The following ERBB4 variants were observed in gnomAD, a reference collection of about 807,000 sequenced individuals.
ERBB4 encodes receptor tyrosine-protein kinase erbB-4.
ERBB4 carries 42 observed loss-of-function variants against 158.0 expected under a neutral mutation model. The observed-to-expected ratio is 0.27, with a 90% CI of 0.21 to 0.34. ERBB4 has a LOEUF of 0.34. ERBB4 is among the 10% of genes least tolerant of loss of function. The pLI is 1.00. For missense variants in ERBB4, 1,333 were observed against 1,624.1 expected (o/e 0.82, Z 3.08); for synonymous variants, 583 against 558.7 (o/e 1.04, Z -0.61).
Position 212,354,161 on chromosome 2 carries a change from A to G in ERBB4, c.82+184288T>C, listed in dbSNP as rs181909213. ...AGATATTTGTAATTAGTCTTTTTTC[A>G]CATGCACTTGATTAATCAAAATTAT... On this transcript the variant is annotated intron_variant, in intron 1 of 27. Coordinates refer to ENST00000342788, the MANE Select transcript of ERBB4 (RefSeq NM_005235.3). 2.0e-3 allele frequency among the ~76,000 whole-genome samples: 303 copies of G among 152,136 alleles called. 2 individuals are homozygous for G. The highest frequency in any genetic ancestry group is 7.8e-4 in the Non-Finnish European group (53 of 67,982).
At position 211,377,652 on chromosome 2, in the gene ERBB4, A is replaced by G; in HGVS notation, c.*5963T>C. On this transcript the variant is annotated 3_prime_UTR_variant, in exon 28 of 28. Coordinates refer to ENST00000342788, the MANE Select transcript of ERBB4 (RefSeq NM_005235.3). ...CTCCTCATTTGGGAGAAAAAAATTT[A>G]CAGCAGCTACAAAATATTTACGATT... is the stretch of plus-strand genomic sequence containing the variant. 4.3e-6 allele frequency: 1 copy of G among 232,552 alleles called. No individual in the cohort carries two copies. The allele number at this position is 232,552 out of a possible 1,614,324, so 14.4% of individuals were successfully genotyped here. A position where few individuals can be genotyped will look rare whatever the true frequency, so the allele number is the denominator to read the frequency against.
intron 2 of ERBB4, among the ~76,000 whole-genome samples, chr2:212,006,501 C>G (rs2076263021): frequency 6.6e-6 from 1 of 151,854 alleles, no homozygotes; most frequent in South Asian, 2.1e-4. Flanking sequence ...TATAATATAC[C>G]TAGGGAAAAT....
At chr2:211,650,600 C>T (rs2070945537) in intron 16 of ERBB4, among the ~76,000 whole-genome samples, 1 of 152,022 alleles carries the variant, frequency 6.6e-6, no homozygotes, top group Admixed American at 6.6e-5. Flanking sequence ...CAATATCATT[C>T]CCTCTACTAT....
chr2:212,454,028 C>T lies in ERBB4; in HGVS notation c.82+84421G>A, dbSNP rs563001214. 2.0e-5 allele frequency among the ~76,000 whole-genome samples: 3 copies of T among 152,132 alleles called. No homozygotes were observed. In the South Asian group the frequency reaches 6.2e-4, roughly 32 times the overall value. ...CGATCTCAGCTCACTGCAACCTTCA[C>T]CTCCCAGGTTCAAGCGATTCTCCTG... On this transcript the variant is annotated intron_variant, in intron 1 of 27. Coordinates refer to ENST00000342788, the MANE Select transcript of ERBB4 (RefSeq NM_005235.3).
At chr2:211,585,891 A>AC (rs1412376590) in intron 19 of ERBB4, among the ~76,000 whole-genome samples, 1 of 152,188 alleles carries the variant, frequency 6.6e-6, no homozygotes, top group Non-Finnish European at 1.5e-5. Context: ...CATGAAAAGT[A>AC]ATCTTTGAAG....
chr2:211,774,610 G>T (rs1303910586), intron 4 of ERBB4, among the ~76,000 whole-genome samples: 2 of 152,122 alleles, frequency 1.3e-5, no homozygotes, highest in Admixed American at 6.5e-5. Flanking sequence ...GAACGGTTAG[G>T]ATATCGCGGC....
intron 1 of ERBB4, among the ~76,000 whole-genome samples, chr2:212,272,746 C>G (rs73986918): frequency 0.028 from 4,287 of 151,624 alleles, 197 homozygotes; most frequent in African/African-American, 0.099. Flanking sequence ...ATACTTTTTT[C>G]TTTGCGTAGA....
intron 3 of ERBB4, among the ~76,000 whole-genome samples, chr2:211,812,844 C>T (rs896741359): frequency 6.6e-6 from 1 of 152,238 alleles, no homozygotes; most frequent in Non-Finnish European, 1.5e-5. Flanking sequence ...ATGGGACCCA[C>T]TGATCCAGAC....
intron 5 of ERBB4, among the ~76,000 whole-genome samples, chr2:211,740,229 G>C (rs1288876460): frequency 9.2e-5 from 14 of 152,058 alleles, no homozygotes; most frequent in Admixed American, 8.5e-4. Context: ...AAATATTTTA[G>C]ATAGACCAAA....
At chr2:212,394,014 T>C (rs1016858696) in intron 1 of ERBB4, among the ~76,000 whole-genome samples, 6 of 152,166 alleles carry the variant, frequency 3.9e-5, no homozygotes, top group Admixed American at 6.6e-5. Flanking sequence ...TGAATGACTA[T>C]GTGGTATAGA....
At chr2:212,515,040 A>G (rs1691744551) in intron 1 of ERBB4, among the ~76,000 whole-genome samples, 1 of 152,214 alleles carries the variant, frequency 6.6e-6, no homozygotes, top group Admixed American at 6.5e-5. Context: ...ACTGATTTAT[A>G]TAATAGGAAA....
intron 20 of ERBB4, among the ~76,000 whole-genome samples, chr2:211,552,203 G>A (rs901261250): frequency 2.0e-5 from 3 of 151,620 alleles, no homozygotes; most frequent in Non-Finnish European, 4.4e-5. Context: ...TGGTGATAAC[G>A]TAGAGTTGGA....
rs181029773 is a variant in ERBB4 at position 211,733,565 on chromosome 2, T to C, written c.623-8371A>G. On this transcript the variant is annotated intron_variant, in intron 5 of 27. Coordinates refer to ENST00000342788, the MANE Select transcript of ERBB4 (RefSeq NM_005235.3). ...GTAAAAAAAAGTCATAATTATATCA[T>C]AGATCTTTCATAAACCAAGAAATAT... Among the ~76,000 whole-genome samples, 497 of 150,238 alleles carry C rather than the reference T, an allele frequency of 3.3e-3. 15 individuals are homozygous for C. Among genetic ancestry groups the C allele is most frequent in the African/African-American group, 0.012 (483 of 39,618 alleles).
intron 1 of ERBB4, among the ~76,000 whole-genome samples, chr2:212,198,795 G>T (rs563476618): frequency 2.5e-4 from 36 of 145,428 alleles, no homozygotes; most frequent in Non-Finnish European, 4.6e-4. Context: ...TGTTGGCCAG[G>T]CTGGTCTCAA....
chr2:211,642,549 T>C (rs2070635698), intron 16 of ERBB4, among the ~76,000 whole-genome samples: 1 of 152,136 alleles, frequency 6.6e-6, no homozygotes, highest in Non-Finnish European at 1.5e-5. Flanking sequence ...ATCTATGTAA[T>C]GATAAGCAAG....
intron 20 of ERBB4, among the ~76,000 whole-genome samples, chr2:211,485,188 T>C (rs143684347): frequency 3.3e-4 from 50 of 152,284 alleles, no homozygotes; most frequent in Non-Finnish European, 6.0e-4. Context: ...ATTTACCTTC[T>C]TTTTGTGTCT....
At chr2:212,324,679 TTTC>T (rs2087743371) in intron 1 of ERBB4, among the ~76,000 whole-genome samples, 2 of 150,542 alleles carry the variant, frequency 1.3e-5, no homozygotes, top group African/African-American at 4.8e-5. Context: ...GTTCTAATTC[TTTC>T]TTCTTATGAG....
At chr2:212,129,420 T>C (rs915527038) in intron 1 of ERBB4, among the ~76,000 whole-genome samples, 29 of 151,094 alleles carry the variant, frequency 1.9e-4, no homozygotes, top group African/African-American at 6.8e-4. Flanking sequence ...CAATATTATA[T>C]CCAATATAAT....
At chr2:212,388,670 G>A (rs1416925911) in intron 1 of ERBB4, among the ~76,000 whole-genome samples, 3 of 152,006 alleles carry the variant, frequency 2.0e-5, no homozygotes, top group African/African-American at 7.2e-5. Context: ...TATTTCATGG[G>A]ATATTTTTCT....
Sources: allele counts gnomAD v4.1 joint callset (sites outside exome capture counted in the v4.1 genomes callset), GRCh38; gene constraint gnomAD v4.1.1; transcripts MANE v1.5; gene names NCBI Gene and HGNC (gene_info 2026-07-23, HGNC 2026-07-21).